FAM171A1: variants seen among roughly 807,000 people sequenced by gnomAD.
FAM171A1 encodes protein FAM171A1.
A neutral mutation model predicts 74.9 loss-of-function variants in FAM171A1; 23 were observed. The ratio of observed to expected loss-of-function variants is 0.31; its 90% CI spans 0.22 to 0.44. The LOEUF is 0.44. FAM171A1 is among the 20% of genes least tolerant of loss of function. The pLI is 1.00. For synonymous variants in FAM171A1, 527 were observed against 505.7 expected (o/e 1.04, Z -0.57); for missense variants, 1,162 against 1,159.2 (o/e 1.00, Z -0.03).
At chr10:15,257,547 G>A (rs1834596433) in intron 3 of FAM171A1, among the ~76,000 whole-genome samples, 2 of 152,164 alleles carry the variant, frequency 1.3e-5, no homozygotes, top group African/African-American at 4.8e-5. Flanking sequence ...TTGTGCAGGA[G>A]AATTTGGTCC....
intron 5 of FAM171A1, among the ~76,000 whole-genome samples, chr10:15,233,352 G>C (rs1834233560): frequency 6.6e-6 from 1 of 152,058 alleles, no homozygotes; most frequent in South Asian, 2.1e-4. Flanking sequence ...GATCTAAGTT[G>C]TGATCCCATT....
intron 2 of FAM171A1, among the ~76,000 whole-genome samples, chr10:15,281,605 T>C (rs914393356): frequency 1.3e-5 from 2 of 152,212 alleles, no homozygotes; most frequent in Admixed American, 6.6e-5. Context: ...CTCACGCCTG[T>C]AATCCCAGAA....
intron 5 of FAM171A1, among the ~76,000 whole-genome samples, chr10:15,245,747 G>A (rs569165283): frequency 3.9e-5 from 6 of 152,330 alleles, no homozygotes; most frequent in East Asian, 1.9e-4. Flanking sequence ...ACCTGGGTGC[G>A]CTTCAGCGCC....
intron 1 of FAM171A1, among the ~76,000 whole-genome samples, chr10:15,352,974 C>G (rs769998475): frequency 6.6e-6 from 1 of 152,202 alleles, no homozygotes; most frequent in Non-Finnish European, 1.5e-5. Context: ...TTTGGACAAT[C>G]GGTAGATGCA....
rs753595453 is a variant in FAM171A1 at position 15,257,687 on chromosome 10, G to C, written c.419-2808C>G. Among the ~76,000 whole-genome samples, 3 of 152,082 alleles carry C rather than the reference G, an allele frequency of 2.0e-5. No homozygotes were observed. In the East Asian group the frequency reaches 5.8e-4, roughly 29 times the overall value. On this transcript the variant is annotated intron_variant, in intron 3 of 7. Coordinates refer to ENST00000378116, the MANE Select transcript of FAM171A1 (RefSeq NM_001010924.2). ...ATCTGACACACCCTGGGACTGGCAC[G>C]ACACGGGTACCATCCATGAGGGACT... is the stretch of plus-strand genomic sequence containing the variant.
chr10:15,341,099 G>A (rs1325297264), intron 1 of FAM171A1, among the ~76,000 whole-genome samples: 1 of 152,172 alleles, frequency 6.6e-6, no homozygotes, highest in Non-Finnish European at 1.5e-5. Flanking sequence ...CAAACATAAA[G>A]ACGTTTACAA....
At chr10:15,279,565 C>T (rs75356486) in intron 2 of FAM171A1, among the ~76,000 whole-genome samples, 2 of 152,068 alleles carry the variant, frequency 1.3e-5, no homozygotes, top group African/African-American at 2.4e-5. Context: ...CTCATTCTAC[C>T]CAGGAAAGGC....
At chr10:15,263,904 TATCC>T in intron 3 of FAM171A1, among the ~76,000 whole-genome samples, 1 of 125,442 alleles carries the variant, frequency 8.0e-6, no homozygotes, top group East Asian at 2.4e-4. Context: ...TCTATCTATC[TATCC>T]GTCCATCCTT....
At chr10:15,263,105 T>C (rs1001711294) in intron 3 of FAM171A1, among the ~76,000 whole-genome samples, 1 of 152,322 alleles carries the variant, frequency 6.6e-6, no homozygotes, top group Non-Finnish European at 1.5e-5. Flanking sequence ...TGGAGACCAC[T>C]GACCTGGGTG....
intron 1 of FAM171A1, among the ~76,000 whole-genome samples, chr10:15,320,283 C>T (rs2131847124): frequency 6.6e-6 from 1 of 152,302 alleles, no homozygotes; most frequent in South Asian, 2.1e-4. Context: ...ATCCATGTTG[C>T]TGCAAAGCAC....
At chr10:15,283,808 C>A in intron 2 of FAM171A1, 70 bp downstream of exon 2, 2 of 1,503,924 alleles carry the variant, frequency 1.3e-6, no homozygotes, top group South Asian at 1.2e-5. Flanking sequence ...TGGTTTCAGA[C>A]TCCTGGCCTT....
At chr10:15,303,060 G>A (rs1835251949) in intron 1 of FAM171A1, among the ~76,000 whole-genome samples, 2 of 152,006 alleles carry the variant, frequency 1.3e-5, no homozygotes, top group Admixed American at 6.6e-5. Context: ...TTGGTGGCGG[G>A]TACCTGTAAT....
At chr10:15,271,424 C>T (rs4506533) in intron 3 of FAM171A1, among the ~76,000 whole-genome samples, 83,185 of 152,004 alleles carry the variant, frequency 0.55, 24,630 homozygotes, top group South Asian at 0.71. Context: ...TACCTGAAAG[C>T]GACGGGGAGA....
chr10:15,255,934 C>T (rs1476916590), intron 3 of FAM171A1, among the ~76,000 whole-genome samples: 1 of 152,150 alleles, frequency 6.6e-6, no homozygotes, highest in Non-Finnish European at 1.5e-5. Flanking sequence ...AGGTGTGAGC[C>T]ACCGCGCCTG....
At chr10:15,273,208 G>A (rs1453040658) in intron 3 of FAM171A1, among the ~76,000 whole-genome samples, 1 of 151,834 alleles carries the variant, frequency 6.6e-6, no homozygotes, top group African/African-American at 2.4e-5. Context: ...GATAAAGGAG[G>A]TATCACCGCC....
At chr10:15,215,837 A>G (rs1003311933) in intron 7 of FAM171A1, among the ~76,000 whole-genome samples, 159 bp downstream of exon 7, 2 of 152,218 alleles carry the variant, frequency 1.3e-5, no homozygotes, top group African/African-American at 4.8e-5. Flanking sequence ...GTTGCAACTT[A>G]GATCACAAAT....
Position 15,212,705 on chromosome 10 carries a change from A to G in FAM171A1, c.*210T>C. 1 of 688,586 alleles carries G rather than the reference A, an allele frequency of 1.5e-6. No homozygotes were observed. 42.7% of individuals were successfully genotyped at this position (688,586 alleles called of 1,614,324 possible). On this transcript the variant is annotated 3_prime_UTR_variant, in exon 8 of 8. Coordinates refer to ENST00000378116, the MANE Select transcript of FAM171A1 (RefSeq NM_001010924.2). ...ACACCACTTTCAGCCACCTCCTTGC[A>G]GGGGCGACATCCGCCAAAGTCATCC... is the stretch of plus-strand genomic sequence containing the variant.
At chr10:15,346,834 A>C (rs1389092402) in intron 1 of FAM171A1, among the ~76,000 whole-genome samples, 4 of 152,228 alleles carry the variant, frequency 2.6e-5, no homozygotes, top group African/African-American at 4.8e-5. Context: ...GAGATTCTGC[A>C]AGCAGCTGAG....
At chr10:15,280,741 T>C (rs1036053522) in intron 2 of FAM171A1, among the ~76,000 whole-genome samples, 1 of 152,236 alleles carries the variant, frequency 6.6e-6, no homozygotes, top group Non-Finnish European at 1.5e-5. Flanking sequence ...TTTCAACATA[T>C]TTTAGAAGAG....
Sources: allele counts gnomAD v4.1 joint callset (sites outside exome capture counted in the v4.1 genomes callset), GRCh38; gene constraint gnomAD v4.1.1; transcripts MANE v1.5; gene names NCBI Gene and HGNC (gene_info 2026-07-23, HGNC 2026-07-21).